The following IP6K2 variants were observed in gnomAD, a reference collection of about 807,000 sequenced individuals.
IP6K2 encodes ATP:1D-myo-inositol-hexakisphosphate phosphotransferase.
IP6K2 carries 9 observed loss-of-function variants against 43.3 expected under a neutral mutation model. That is an observed-to-expected ratio of 0.21 (90% CI 0.13 to 0.36). IP6K2 has a LOEUF of 0.36. Among genes scored for constraint, IP6K2 ranks in the 10% least tolerant of loss-of-function variants. IP6K2 has a pLI of 1.00. For missense variants in IP6K2, 332 were observed against 538.4 expected, an observed-to-expected ratio of 0.62 and a Z score of 3.79; for synonymous variants, 209 against 202.4, an observed-to-expected ratio of 1.03 and a Z score of -0.28.
rs901573804 is a variant in IP6K2, at chr3:48,695,576, C to A, written c.-130-155G>T. 9.5e-7 allele frequency: 1 copy of A among 1,055,884 alleles called. No homozygotes were observed. Among genetic ancestry groups the A allele is most frequent in the South Asian group, 4.4e-5 (1 of 22,964 alleles). The allele number at this position is 1,055,884 out of a possible 1,614,324, so 65.4% of individuals were successfully genotyped here. A position where few individuals can be genotyped will look rare whatever the true frequency, so the allele number is the denominator to read the frequency against. ...CCACCCACCTTGGCCCCCGCCTTCT[C>A]CGGCAGAAAAACAAAAACACTATGA... is the stretch of plus-strand genomic sequence containing the variant. On this transcript the variant is annotated intron_variant, in intron 1 of 5. Coordinates refer to ENST00000328631, the MANE Select transcript of IP6K2 (RefSeq NM_016291.4). The surrounding 1 kb of genome is among the most constrained non-coding windows in gnomAD (Gnocchi z 4.6).
intron 2 of IP6K2, chr3:48,693,810 T>G: frequency 9.2e-7 from 1 of 1,085,956 alleles, no homozygotes; most frequent in South Asian, 3.5e-5. Flanking sequence ...CAGTCTCACG[T>G]CACAAAATAA....
At chr3:48,707,734 A>T (rs13316551) in intron 1 of IP6K2, among the ~76,000 whole-genome samples, 1 of 152,102 alleles carries the variant, frequency 6.6e-6, no homozygotes, top group African/African-American at 2.4e-5. Flanking sequence ...CACTGCACCC[A>T]GGCTCATTCT....
chr3:48,709,949 AAAT>A (rs1256325210), intron 1 of IP6K2, among the ~76,000 whole-genome samples: 1 of 152,212 alleles, frequency 6.6e-6, no homozygotes. Flanking sequence ...TAGCTCTCCA[AAAT>A]AAGATCCAGA....
intron 1 of IP6K2, among the ~76,000 whole-genome samples, chr3:48,702,972 C>T (rs186386094): frequency 1.3e-5 from 2 of 152,318 alleles, no homozygotes; most frequent in East Asian, 3.9e-4. Flanking sequence ...CAAATCCACA[C>T]CAATCATATG....
chr3:48,700,745 GA>G (rs1166113121), intron 1 of IP6K2, among the ~76,000 whole-genome samples: 1 of 152,154 alleles, frequency 6.6e-6, no homozygotes, highest in African/African-American at 2.4e-5. Flanking sequence ...TTTAGTTAAA[GA>G]GGCTACAAAA....
intron 2 of IP6K2, chr3:48,694,344 A>G: frequency 6.5e-7 from 1 of 1,547,320 alleles, no homozygotes; most frequent in Non-Finnish European, 8.7e-7. Context: ...CACCCAGTAC[A>G]TTCTGTCCTT....
At position 48,695,223 on chromosome 3, in the gene IP6K2, G is replaced by A. The variant is rs777055597; in HGVS notation, c.69C>T (p.Val23=). The change falls in exon 2 of 6, where the codon GTC becomes GTT. Residue 23 remains valine, a synonymous_variant. Transcript: ENST00000328631. This position sits in a 1 kb window ranked among gnomAD's most constrained non-coding sequence, Gnocchi z 4.6. ...RAKGVLLEPF[V]HQVGGHSCVL... ...CGCATGAGTGCCCCCCGACCTGGTG[G>A]ACAAAGGGCTCCAGAAGGACGCCTT... is the stretch of plus-strand genomic sequence containing the variant. The A allele has an allele frequency of 1.0e-5, 16 of 1,576,890 alleles. No homozygotes were observed. The highest frequency in any genetic ancestry group is 1.3e-5 in the African/African-American group (1 of 74,198).
chr3:48,693,983 CGCCTTACAA>C, intron 2 of IP6K2: 17 of 1,370,558 alleles, frequency 1.2e-5, no homozygotes, highest in South Asian at 1.1e-4. Flanking sequence ...TGCCGACGAG[CGCCTTACAA>C]ACGACTGGCT....
chr3:48,688,490 A>G lies in IP6K2; in HGVS notation c.1064T>C (p.Leu355Pro). 1 of 1,614,210 alleles carries G rather than the reference A, an allele frequency of 6.2e-7. No homozygotes were observed. The highest frequency in any genetic ancestry group is 8.5e-7 in the Non-Finnish European group (1 of 1,180,038). ...AGACTCATCAGCTGATTCCTCTGAC[A>G]GGTCCTCCAAATCCTCAGCATCTGA... ...LDSDAEDLED[L>P]SEESADESAG... The change falls in exon 6 of 6, where the codon CTG (leucine) becomes CCG (proline). Residue 355 changes from leucine to proline, a missense_variant. Physicochemically the swap from Leu to Pro is moderately conservative, Grantham distance 98 (BLOSUM62 -3). Coordinates refer to ENST00000328631, the MANE Select transcript of IP6K2 (RefSeq NM_016291.4). This position sits in a 1 kb window ranked among gnomAD's most constrained non-coding sequence, Gnocchi z 5.1.
chr3:48,716,564 C>T (rs181445447), intron 1 of IP6K2: 10 of 152,282 alleles, frequency 6.6e-5, no homozygotes, highest in Admixed American at 6.5e-4. Context: ...ATAAAGGTGT[C>T]CTCTTATCCA....
chr3:48,691,493 A>T lies in IP6K2; in HGVS notation c.429-11T>A, dbSNP rs749926577. 1 of 1,588,566 alleles carries T rather than the reference A, an allele frequency of 6.3e-7. No individual in the cohort carries two copies. The highest frequency in any genetic ancestry group is 8.6e-7 in the Non-Finnish European group (1 of 1,161,522). ...TCTTCTAACTTATGGCTATAAAGAG[A>T]TAAGGACCAATAAATCAGTATGTCT... On this transcript the variant is annotated splice_polypyrimidine_tract_variant and intron_variant, in intron 3 of 5. Transcript: ENST00000328631.
intron 1 of IP6K2, among the ~76,000 whole-genome samples, chr3:48,713,332 A>G (rs532596168): frequency 3.5e-4 from 53 of 152,226 alleles, no homozygotes; most frequent in Non-Finnish European, 6.2e-4. Context: ...GCAAGGAGCC[A>G]TAACAGGTGG....
chr3:48,705,910 A>T (rs543001219), intron 1 of IP6K2, among the ~76,000 whole-genome samples: 50 of 21,306 alleles, frequency 2.3e-3, no homozygotes, highest in African/African-American at 4.9e-3. Context: ...AAAATAAAAT[A>T]AAAAAAAACA....
At chr3:48,691,528 T>A (rs2077777001) in intron 3 of IP6K2, 46 bp from the exon 4 acceptor site, 2 of 1,465,842 alleles carry the variant, frequency 1.4e-6, no homozygotes, top group Non-Finnish European at 1.9e-6. Flanking sequence ...TTATCAGAAT[T>A]CAGAAGGCCG....
intron 3 of IP6K2, 68 bp downstream of exon 3, chr3:48,692,886 G>T: frequency 1.7e-6 from 2 of 1,154,922 alleles, no homozygotes; most frequent in African/African-American, 1.5e-5. Context: ...CAGGGAACTG[G>T]GCTGTAACCA....
Position 48,691,314 on chromosome 3 carries a change from G to A in IP6K2, c.597C>T (p.Asn199=). 1 of 1,612,986 alleles carries A rather than the reference G, an allele frequency of 6.2e-7. No individual in the cohort carries two copies. The highest frequency in any genetic ancestry group is 1.7e-4 in the Middle Eastern group (1 of 6,058). ...QRMKENAKHR[N]QYKFILLENL... The stretch of plus-strand genomic sequence containing the variant: ...CCCGTGAACAAAGGATACTGTACTG[G>A]TTCCGATGCTTTGCATTCTCCTTCA... The change falls in exon 4 of 6, where the codon AAC becomes AAT. Residue 199 remains asparagine, a synonymous_variant. Transcript: ENST00000328631.
At chr3:48,699,947 T>C (rs1237804227) in intron 1 of IP6K2, among the ~76,000 whole-genome samples, 1 of 152,176 alleles carries the variant, frequency 6.6e-6, no homozygotes, top group Non-Finnish European at 1.5e-5. Context: ...CCTAGCACTT[T>C]GGGAGGCCAA....
chr3:48,690,004 G>A (rs1337780922), intron 4 of IP6K2, among the ~76,000 whole-genome samples: 6 of 152,232 alleles, frequency 3.9e-5, no homozygotes, highest in Non-Finnish European at 8.8e-5. Flanking sequence ...TCTTAGCTAA[G>A]TGTAGGACTA....
At position 48,688,970 on chromosome 3, in the gene IP6K2, G is replaced by C. The variant is rs1223503624; in HGVS notation, c.781-197C>G. 6.6e-6 allele frequency among the ~76,000 whole-genome samples: 1 copy of C among 152,228 alleles called. No homozygotes were observed. The highest frequency in any genetic ancestry group is 1.5e-5 in the Non-Finnish European group (1 of 68,046). ...GATGCAGCCATCCAACCTGGGTTTG[G>C]TCATTGTGCCCCAGCACCCCACCTC... On this transcript the variant is annotated intron_variant, in intron 5 of 5. Coordinates refer to ENST00000328631, the MANE Select transcript of IP6K2 (RefSeq NM_016291.4). The surrounding 1 kb of genome is among the most constrained non-coding windows in gnomAD (Gnocchi z 5.1).
Sources: allele counts gnomAD v4.1 joint callset (sites outside exome capture counted in the v4.1 genomes callset), GRCh38; gene constraint gnomAD v4.1.1; non-coding constraint Gnocchi (gnomAD v3.1); transcripts MANE v1.5; gene names NCBI Gene and HGNC (gene_info 2026-07-23, HGNC 2026-07-21).